The following STXBP5L variants were observed in gnomAD, a reference collection of about 807,000 sequenced individuals.
The protein encoded by STXBP5L is syntaxin-binding protein 5-like.
STXBP5L carries 65 observed loss-of-function variants against 144.5 expected under a neutral mutation model. The ratio of observed to expected loss-of-function variants is 0.45; its 90% CI spans 0.37 to 0.55. STXBP5L has a LOEUF of 0.55. Ranked by LOEUF, STXBP5L falls within the 20% of genes least tolerant of loss-of-function variation. STXBP5L has a pLI of 0.00. For synonymous variants in STXBP5L, 505 were observed against 469.6 expected, an observed-to-expected ratio of 1.08 and a Z score of -0.97; for missense variants, 1,298 against 1,405.5, an observed-to-expected ratio of 0.92 and a Z score of 1.22.
intron 20 of STXBP5L, among the ~76,000 whole-genome samples, chr3:121,320,763 G>A (rs926564211): frequency 8.7e-5 from 13 of 149,082 alleles, no homozygotes; most frequent in Admixed American, 1.3e-4. Context: ...GTGCAGTGGC[G>A]CAATCTCAGC....
chr3:121,255,711 T>C (rs2050187123), intron 16 of STXBP5L, among the ~76,000 whole-genome samples: 1 of 152,072 alleles, frequency 6.6e-6, no homozygotes, highest in East Asian at 1.9e-4. Flanking sequence ...TGATTTTCTA[T>C]GTAGCAACAT....
intron 23 of STXBP5L, 138 bp from the exon 24 acceptor site, chr3:121,413,018 ACT>A (rs2047153576): frequency 1.5e-6 from 1 of 678,418 alleles, no homozygotes; most frequent in East Asian, 3.5e-5. Flanking sequence ...ACAGAGCAAG[ACT>A]CTGTCTCAAA....
intron 3 of STXBP5L, among the ~76,000 whole-genome samples, chr3:120,998,606 C>G (rs376356437): frequency 2.6e-5 from 4 of 152,154 alleles, no homozygotes; most frequent in African/African-American, 9.6e-5. Flanking sequence ...TTGTTCAACT[C>G]CTAATTAGGA....
chr3:121,034,114 A>T (rs1334396921), intron 3 of STXBP5L, among the ~76,000 whole-genome samples: 1 of 152,140 alleles, frequency 6.6e-6, no homozygotes, highest in East Asian at 1.9e-4. Context: ...TAAACAAAAC[A>T]TAAAACCATT....
chr3:121,137,455 T>C (rs993378717), intron 7 of STXBP5L, among the ~76,000 whole-genome samples: 7 of 152,064 alleles, frequency 4.6e-5, no homozygotes, highest in African/African-American at 1.7e-4. Flanking sequence ...AATACCTGGA[T>C]ACCAAAACCA....
chr3:121,312,842 A>T (rs2043592350), intron 19 of STXBP5L, among the ~76,000 whole-genome samples: 1 of 152,134 alleles, frequency 6.6e-6, no homozygotes, highest in Non-Finnish European at 1.5e-5. Context: ...CAAAATGAAA[A>T]GTCTCCCATG....
chr3:121,344,653 A>T (rs1211603019), intron 20 of STXBP5L, among the ~76,000 whole-genome samples: 2 of 152,066 alleles, frequency 1.3e-5, no homozygotes, highest in Non-Finnish European at 2.9e-5. Flanking sequence ...TAAAAATTGA[A>T]ATATAGGAGG....
At chr3:121,314,575 G>A (rs1480403821) in intron 19 of STXBP5L, among the ~76,000 whole-genome samples, 7 of 128,246 alleles carry the variant, frequency 5.5e-5, no homozygotes, top group Non-Finnish European at 1.0e-4. Context: ...GGCATCAGAG[G>A]GAGACCGTGG....
intron 2 of STXBP5L, among the ~76,000 whole-genome samples, chr3:120,952,996 C>G (rs946732528): frequency 6.6e-6 from 1 of 151,628 alleles, no homozygotes; most frequent in African/African-American, 2.4e-5. Flanking sequence ...GACAAGATCT[C>G]TCTATCTTGC....
At chr3:121,354,243 C>A (rs4676674) in intron 20 of STXBP5L, among the ~76,000 whole-genome samples, 20,014 of 152,014 alleles carry the variant, frequency 0.13, 1,616 homozygotes, top group Middle Eastern at 0.19. Context: ...CCTTGTTAAC[C>A]TTCTGTCTCA....
At chr3:120,948,872 T>C (rs1711020671) in intron 2 of STXBP5L, among the ~76,000 whole-genome samples, 1 of 151,996 alleles carries the variant, frequency 6.6e-6, no homozygotes, top group African/African-American at 2.4e-5. Context: ...AGCATGCCTG[T>C]GCATGTGTCT....
chr3:121,095,685 G>A lies in STXBP5L; in HGVS notation c.471-19240G>A, dbSNP rs540201367. 3.9e-5 allele frequency among the ~76,000 whole-genome samples: 6 copies of A among 152,198 alleles called. No homozygotes were observed. The East Asian group carries it at 9.7e-4, about 25-fold the overall frequency. On this transcript the variant is annotated intron_variant, in intron 5 of 26. Transcript: ENST00000471454. ...CATTGGTTATTCTAGTTAGCCATTC[G>A]TCTATTCTTTTTTCAAGGTTTTTAA...
chr3:121,339,421 A>G (rs1170039766), intron 20 of STXBP5L, among the ~76,000 whole-genome samples: 1 of 152,198 alleles, frequency 6.6e-6, no homozygotes, highest in Non-Finnish European at 1.5e-5. Flanking sequence ...TCTCAAAATA[A>G]TAAAAGCTAC....
intron 2 of STXBP5L, among the ~76,000 whole-genome samples, chr3:120,942,893 T>C (rs1243110117): frequency 6.6e-6 from 1 of 151,614 alleles, no homozygotes; most frequent in East Asian, 1.9e-4. Flanking sequence ...TGTCATTTTC[T>C]TCTAATCCTA....
chr3:121,148,147 C>A (rs898616183), intron 7 of STXBP5L, among the ~76,000 whole-genome samples: 3 of 151,980 alleles, frequency 2.0e-5, no homozygotes, highest in Admixed American at 6.6e-5. Flanking sequence ...TTTCGGAGAA[C>A]CTTAATTCAA....
chr3:120,909,909 A>G (rs1553742937), intron 2 of STXBP5L, 142 bp downstream of exon 2: 4 of 836,160 alleles, frequency 4.8e-6, no homozygotes, highest in South Asian at 1.9e-5. Flanking sequence ...TGGGTAGATC[A>G]GTTTGGCTTA....
intron 20 of STXBP5L, among the ~76,000 whole-genome samples, chr3:121,321,859 C>A (rs1049871895): frequency 3.3e-5 from 5 of 152,082 alleles, no homozygotes; most frequent in Non-Finnish European, 7.4e-5. Context: ...ATAATTTCAA[C>A]TTTTATTTTA....
intron 22 of STXBP5L, among the ~76,000 whole-genome samples, chr3:121,382,308 T>C (rs2108684463): frequency 6.6e-6 from 1 of 152,192 alleles, no homozygotes; most frequent in South Asian, 2.1e-4. Flanking sequence ...TTTCTTTAAC[T>C]AGTGTGCTAA....
rs187064712 is a variant in STXBP5L at position 121,293,964 on chromosome 3, C to T, written c.2110+14008C>T. On this transcript the variant is annotated intron_variant, in intron 19 of 26. Transcript: ENST00000471454. ...ATGCAAGGAAGCTGACATAGTCATG[C>T]GGAAGAGAAAAAGTGAGTGAAGATT... Among the ~76,000 whole-genome samples the T allele has an allele frequency of 1.8e-4, 28 of 152,134 alleles. No individual in the cohort carries two copies. In the East Asian group the frequency reaches 2.1e-3, roughly 12 times the overall value.
Sources: allele counts gnomAD v4.1 joint callset (sites outside exome capture counted in the v4.1 genomes callset), GRCh38; gene constraint gnomAD v4.1.1; transcripts MANE v1.5; gene names NCBI Gene and HGNC (gene_info 2026-07-23, HGNC 2026-07-21).